Variants in SMC6 observed in about 807,000 individuals in gnomAD.
The protein encoded by SMC6 is structural maintenance of chromosomes 6.
A neutral mutation model predicts 142.2 loss-of-function variants in SMC6; 79 were observed. That is an observed-to-expected ratio of 0.56 (90% CI 0.46 to 0.67). SMC6 has a LOEUF of 0.67. Among genes scored for constraint, SMC6 ranks in the 30% least tolerant of loss-of-function variants. The probability of loss-of-function intolerance (pLI) is 0.00; values close to 1 mark genes in which losing one functional copy is unlikely to be tolerated. For missense variants in SMC6, 1,072 were observed against 1,284.0 expected, an observed-to-expected ratio of 0.83 and a Z score of 2.52; for synonymous variants, 411 against 412.4, an observed-to-expected ratio of 1.00 and a Z score of 0.04.
intron 9 of SMC6, among the ~76,000 whole-genome samples, chr2:17,722,003 G>C (rs777463610): frequency 2.0e-5 from 3 of 151,906 alleles, no homozygotes; most frequent in Non-Finnish European, 4.4e-5. Context: ...TGTCCACCTG[G>C]GTAGACAGCC....
intron 2 of SMC6, among the ~76,000 whole-genome samples, chr2:17,749,427 C>T (rs188021111): frequency 9.0e-4 from 137 of 152,310 alleles, no homozygotes; most frequent in Non-Finnish European, 1.6e-3. Context: ...CGGTGGTTCA[C>T]GCCTGTAATC....
At chr2:17,692,432 C>A (rs1162612386) in intron 23 of SMC6, among the ~76,000 whole-genome samples, 2 of 152,092 alleles carry the variant, frequency 1.3e-5, no homozygotes, top group Admixed American at 6.6e-5. Flanking sequence ...TTTTGACAAA[C>A]CTCACGAAAA....
chr2:17,666,820 C>CA (rs11295692), intron 26 of SMC6, among the ~76,000 whole-genome samples: 41 of 144,490 alleles, frequency 2.8e-4, no homozygotes, highest in Admixed American at 3.4e-4. Flanking sequence ...CTGTCTCTAC[C>CA]AAAAAAAAAA....
chr2:17,728,559 G>C (rs892055242), intron 7 of SMC6, among the ~76,000 whole-genome samples: 1 of 148,834 alleles, frequency 6.7e-6, no homozygotes, highest in Non-Finnish European at 1.5e-5. Context: ...AAAAAAAAAA[G>C]AATGTTGTAG....
Position 17,731,223 on chromosome 2 carries a change from A to G in SMC6, c.482-84T>C, listed in dbSNP as rs982117494. 32 of 893,592 alleles carry G rather than the reference A, an allele frequency of 3.6e-5. No homozygotes were observed. In the African/African-American group the frequency reaches 4.9e-4, roughly 14 times the overall value. 55.4% of individuals were successfully genotyped at this position (893,592 alleles called of 1,614,324 possible). On this transcript the variant is annotated intron_variant, in intron 6 of 27. Coordinates refer to ENST00000448223, the MANE Select transcript of SMC6 (RefSeq NM_001142286.2). ...ATGTATAGTTACTTACAAAATATAA[A>G]TATTAGTTAGCTTTCATTGCATCAT...
chr2:17,721,059 C>T (rs370549059), intron 10 of SMC6, 21 bp from the exon 11 acceptor site: 26 of 1,612,786 alleles, frequency 1.6e-5, no homozygotes, highest in Non-Finnish European at 2.2e-5. Context: ...AATTATATAG[C>T]AAATTGATCA....
chr2:17,717,998 A>G (rs1466469828), intron 12 of SMC6, 79 bp downstream of exon 12: 3 of 1,395,708 alleles, frequency 2.1e-6, no homozygotes, highest in Non-Finnish European at 2.9e-6. Context: ...AAAATAAAAT[A>G]TAATAAAAAA....
intron 25 of SMC6, among the ~76,000 whole-genome samples, chr2:17,678,424 A>C (rs1157693085): frequency 2.6e-5 from 4 of 152,134 alleles, no homozygotes; most frequent in Non-Finnish European, 2.9e-5. Flanking sequence ...GACCATCCTT[A>C]ACTTAAAAAT....
intron 26 of SMC6, among the ~76,000 whole-genome samples, chr2:17,668,248 T>C (rs550933855): frequency 6.6e-6 from 1 of 152,334 alleles, no homozygotes; most frequent in East Asian, 1.9e-4. Flanking sequence ...ATGGAAAGAA[T>C]AATCATCTTC....
At chr2:17,728,086 C>T (rs955628214) in intron 7 of SMC6, among the ~76,000 whole-genome samples, 4 of 152,160 alleles carry the variant, frequency 2.6e-5, no homozygotes, top group Non-Finnish European at 4.4e-5. Flanking sequence ...TTTCTCTATA[C>T]CTTTTTCATT....
chr2:17,707,414 G>T (rs548735288), intron 17 of SMC6, 35 bp from the exon 18 acceptor site: 4 of 1,368,314 alleles, frequency 2.9e-6, no homozygotes, highest in South Asian at 2.0e-5. Flanking sequence ...TTTTTAAGAC[G>T]ATGTGAAAAT....
At chr2:17,695,344 CAATTCATTATACTACTTGTGCCA>C in intron 22 of SMC6, 47 bp from the exon 23 acceptor site, 3 of 1,551,056 alleles carry the variant, frequency 1.9e-6, no homozygotes, top group Non-Finnish European at 1.7e-6. Context: ...TTTGATATAA[CAATTCATTATACTACTTGTGCCA>C]AAATCTGCAA....
chr2:17,728,591 G>A (rs16981865), intron 7 of SMC6, among the ~76,000 whole-genome samples: 6,203 of 151,780 alleles, frequency 0.041, 376 homozygotes, highest in African/African-American at 0.13. Context: ...AGAATCCTAA[G>A]AAAAGCAAAA....
chr2:17,712,971 T>C (rs1325182516), intron 16 of SMC6, among the ~76,000 whole-genome samples: 4 of 152,238 alleles, frequency 2.6e-5, no homozygotes, highest in African/African-American at 9.6e-5. Flanking sequence ...CCTAGACCTG[T>C]TCCATTCAAC....
At chr2:17,672,418 C>T (rs550152303) in intron 25 of SMC6, among the ~76,000 whole-genome samples, 419 of 968 alleles carry the variant, frequency 0.43, 1 homozygote, top group Middle Eastern at 0.5. Context: ...ACTTCTAATA[C>T]TTTTTTTTCT....
At position 17,665,444 on chromosome 2, in the gene SMC6, T is replaced by G. The variant is rs1305235210; in HGVS notation, c.*55A>C. On this transcript the variant is annotated 3_prime_UTR_variant, in exon 28 of 28. Transcript: ENST00000448223. Reference sequence around the variant, plus strand: ...TTTATTATATCAAAGAGTCCAGAATTTTTTTTCCCTTCACAAATCCTTCAA... The same window carrying G: ...TTTATTATATCAAAGAGTCCAGAATGTTTTTTCCCTTCACAAATCCTTCAA... 4.8e-6 allele frequency: 6 copies of G among 1,243,664 alleles called. No homozygotes were observed. The highest frequency in any genetic ancestry group is 1.5e-5 in the African/African-American group (1 of 65,638). 77.0% of individuals were successfully genotyped at this position (1,243,664 alleles called of 1,614,324 possible).
intron 23 of SMC6, among the ~76,000 whole-genome samples, 181 bp from the exon 24 acceptor site, chr2:17,683,944 G>T (rs1239266027): frequency 6.6e-6 from 1 of 152,100 alleles, no homozygotes; most frequent in Admixed American, 6.6e-5. Flanking sequence ...AGGGTGGTAC[G>T]GAATAAGAAA....
At chr2:17,702,828 A>G (rs949573259) in intron 19 of SMC6, among the ~76,000 whole-genome samples, 2 of 152,138 alleles carry the variant, frequency 1.3e-5, no homozygotes, top group African/African-American at 2.4e-5. Context: ...TTCCGCCATG[A>G]TTGTGAGGCC....
chr2:17,668,291 T>G (rs1326712002), intron 26 of SMC6, among the ~76,000 whole-genome samples: 1 of 152,218 alleles, frequency 6.6e-6, no homozygotes. Context: ...AGACAATTCT[T>G]GGAGGAATAT....
Sources: allele counts gnomAD v4.1 joint callset (sites outside exome capture counted in the v4.1 genomes callset), GRCh38; gene constraint gnomAD v4.1.1; transcripts MANE v1.5; gene names NCBI Gene and HGNC (gene_info 2026-07-23, HGNC 2026-07-21).